Variants in TAF1B observed in about 807,000 individuals in gnomAD.
TAF1B encodes the protein TATA-box binding protein associated factor, RNA polymerase I subunit B.
In TAF1B, 61 loss-of-function variants were observed where a neutral mutation model predicts 83.9. The observed-to-expected ratio is 0.73, with a 90% CI of 0.59 to 0.90. TAF1B has a LOEUF of 0.90. Among genes scored for constraint, TAF1B ranks in the 40% least tolerant of loss-of-function variants. TAF1B has a pLI of 0.00. For synonymous variants in TAF1B, 221 were observed against 224.6 expected (o/e 0.98, Z 0.14); for missense variants, 625 against 677.0 (o/e 0.92, Z 0.85).
chr2:9,889,800 CTATTT>C lies in TAF1B; in HGVS notation c.807+6998_807+7002del, dbSNP rs372231749. ...ATTAATAGTCCCTTTTTTTCTGGGACTATTTTAGCCTCACTACTAAGGCGTATCCC... is the reference window on the plus strand; with the variant it reads ...ATTAATAGTCCCTTTTTTTCTGGGACTAGCCTCACTACTAAGGCGTATCCC... On this transcript the variant is annotated intron_variant, in intron 8 of 14. Coordinates refer to ENST00000263663, the MANE Select transcript of TAF1B (RefSeq NM_005680.3). 5.7e-4 allele frequency among the ~76,000 whole-genome samples: 87 copies of C among 152,092 alleles called. No individual in the cohort carries two copies. In the East Asian group the frequency reaches 0.012, roughly 21 times the overall value.
At chr2:9,918,768 A>C (rs1255697021) in intron 12 of TAF1B, among the ~76,000 whole-genome samples, 3 of 152,222 alleles carry the variant, frequency 2.0e-5, no homozygotes, top group Non-Finnish European at 2.9e-5. Context: ...TGAAGGAAAC[A>C]GTTTCTATGT....
intron 9 of TAF1B, among the ~76,000 whole-genome samples, chr2:9,909,108 C>T (rs12624026): frequency 0.51 from 78,222 of 152,078 alleles, 23,126 homozygotes; most frequent in Non-Finnish European, 0.68. Context: ...ATCAGCAAAA[C>T]TTTTTTACTT....
At chr2:9,871,892 T>G (rs1259285219) in intron 6 of TAF1B, among the ~76,000 whole-genome samples, 1 of 152,148 alleles carries the variant, frequency 6.6e-6, no homozygotes, top group Non-Finnish European at 1.5e-5. Flanking sequence ...AACTTTCACT[T>G]AAGCCTCCTG....
intron 8 of TAF1B, among the ~76,000 whole-genome samples, chr2:9,895,483 A>T (rs1664989438): frequency 6.6e-6 from 1 of 151,160 alleles, no homozygotes; most frequent in Non-Finnish European, 1.5e-5. Context: ...CCTGGGCGAC[A>T]GAGTGAGACC....
chr2:9,885,750 C>G (rs918195869), intron 8 of TAF1B, among the ~76,000 whole-genome samples: 1 of 151,776 alleles, frequency 6.6e-6, no homozygotes, highest in African/African-American at 2.4e-5. Flanking sequence ...CACGCCCCCC[C>G]CCACTTTGTC....
chr2:9,848,188 C>T (rs1258688720), intron 2 of TAF1B, among the ~76,000 whole-genome samples: 1 of 152,028 alleles, frequency 6.6e-6, no homozygotes. Flanking sequence ...ACCCAGTATA[C>T]CAAAATTGCT....
intron 14 of TAF1B, among the ~76,000 whole-genome samples, chr2:9,927,032 C>T (rs1666063745): frequency 6.7e-6 from 1 of 150,306 alleles, no homozygotes; most frequent in African/African-American, 2.5e-5. Context: ...GCCCCCACCC[C>T]ACGACAGGCC....
chr2:9,845,393 TC>T, intron 2 of TAF1B, 75 bp downstream of exon 2: 1 of 1,232,740 alleles, frequency 8.1e-7, no homozygotes, highest in Non-Finnish European at 1.2e-6. Context: ...GTAGTCTAAG[TC>T]CCAAAGAATT....
chr2:9,890,827 A>G (rs944896810), intron 8 of TAF1B, among the ~76,000 whole-genome samples: 12 of 152,076 alleles, frequency 7.9e-5, no homozygotes, highest in Non-Finnish European at 7.4e-5. Context: ...CTGGAGTGCA[A>G]TTGCACAATC....
intron 5 of TAF1B, among the ~76,000 whole-genome samples, chr2:9,865,298 A>T (rs1294977676): frequency 6.6e-6 from 1 of 152,188 alleles, no homozygotes; most frequent in Non-Finnish European, 1.5e-5. Flanking sequence ...CACCAATAAC[A>T]GACAAACAGA....
intron 6 of TAF1B, among the ~76,000 whole-genome samples, chr2:9,869,155 T>C (rs1664087668): frequency 6.6e-6 from 1 of 152,206 alleles, no homozygotes; most frequent in South Asian, 2.1e-4. Flanking sequence ...AGATATTAGC[T>C]CCTTTTAAAG....
intron 8 of TAF1B, among the ~76,000 whole-genome samples, chr2:9,885,886 T>G (rs1419408930): frequency 1.3e-5 from 2 of 152,194 alleles, no homozygotes; most frequent in Non-Finnish European, 2.9e-5. Context: ...TTATCTTTAA[T>G]TCACTAACCA....
At chr2:9,924,164 C>A (rs1156520468) in intron 14 of TAF1B, among the ~76,000 whole-genome samples, 2 of 152,150 alleles carry the variant, frequency 1.3e-5, no homozygotes, top group South Asian at 2.1e-4. Flanking sequence ...TATCTGTCAA[C>A]CTTACCTGTT....
chr2:9,871,667 G>C (rs1664171698), intron 6 of TAF1B, among the ~76,000 whole-genome samples: 1 of 152,092 alleles, frequency 6.6e-6, no homozygotes, highest in African/African-American at 2.4e-5. Context: ...GGTTAGTCTT[G>C]TCAGCTCTGC....
At chr2:9,879,772 T>C (rs1294055689) in intron 7 of TAF1B, among the ~76,000 whole-genome samples, 1 of 152,128 alleles carries the variant, frequency 6.6e-6, no homozygotes, top group Non-Finnish European at 1.5e-5. Flanking sequence ...TTTTAAAAAT[T>C]GAGGTATAAT....
chr2:9,890,466 C>T (rs573498851), intron 8 of TAF1B, among the ~76,000 whole-genome samples: 1 of 152,168 alleles, frequency 6.6e-6, no homozygotes, highest in East Asian at 1.9e-4. Context: ...TGTTGTTGCT[C>T]ACTCATTCTT....
intron 7 of TAF1B, among the ~76,000 whole-genome samples, chr2:9,881,635 A>T (rs1441015697): frequency 6.6e-6 from 1 of 152,026 alleles, no homozygotes; most frequent in African/African-American, 2.4e-5. Context: ...TAGAATGTAA[A>T]CTCCATAGGA....
chr2:9,862,563 G>T (rs941155435), intron 5 of TAF1B, among the ~76,000 whole-genome samples: 3 of 152,124 alleles, frequency 2.0e-5, no homozygotes, highest in African/African-American at 7.2e-5. Context: ...AGCAAGGCAG[G>T]CCAACATTCA....
Position 9,867,549 on chromosome 2 carries a change from G to A in TAF1B, c.400-727G>A, listed in dbSNP as rs182372357. 3.3e-5 allele frequency among the ~76,000 whole-genome samples: 5 copies of A among 152,246 alleles called. No individual in the cohort carries two copies. The East Asian group carries it at 9.6e-4, about 29-fold the overall frequency. ...GTGAGCCTCTTTACCAGGAGTCTTA[G>A]TCTTATCTTCCTGTAATAAGATCAA... On this transcript the variant is annotated intron_variant, in intron 5 of 14. Transcript: ENST00000263663.
Sources: allele counts gnomAD v4.1 joint callset (sites outside exome capture counted in the v4.1 genomes callset), GRCh38; gene constraint gnomAD v4.1.1; transcripts MANE v1.5; gene names NCBI Gene and HGNC (gene_info 2026-07-23, HGNC 2026-07-21).